The following ASPRV1 variants were observed in gnomAD, a reference collection of about 807,000 sequenced individuals.
ASPRV1 encodes the protein retroviral-like aspartic protease 1.
Under a neutral mutation model 11.0 loss-of-function variants are expected in ASPRV1, and 7 were observed. That is an observed-to-expected ratio of 0.64 (90% CI 0.36 to 1.20). ASPRV1 has a LOEUF of 1.20. Among genes scored for constraint, ASPRV1 ranks in the 50% most tolerant of loss-of-function variants. The pLI is 0.02. For missense variants in ASPRV1, 299 were observed against 320.0 expected (o/e 0.93, Z 0.50); for synonymous variants, 136 against 138.4 (o/e 0.98, Z 0.12).
At chr2:69,998,833 C>T in the ASPRV1 span, among the ~76,000 whole-genome samples, 2 of 152,238 alleles carry the variant, frequency 1.3e-5, no homozygotes, top group East Asian at 3.9e-4. Flanking sequence ...AGAAACCAGG[C>T]TGGGAGAGGG....
the ASPRV1 span, chr2:69,937,964 C>A: frequency 1.2e-6 from 1 of 800,492 alleles, no homozygotes; most frequent in Non-Finnish European, 2.0e-6. Flanking sequence ...CCCAGCTGGT[C>A]TCAAACTCCT....
the ASPRV1 span, among the ~76,000 whole-genome samples, chr2:69,979,671 C>T: frequency 6.6e-6 from 1 of 152,206 alleles, no homozygotes; most frequent in African/African-American, 2.4e-5. Flanking sequence ...CATTTCTGGG[C>T]AACCTCCTGG....
At chr2:70,066,193 G>C in the ASPRV1 span, among the ~76,000 whole-genome samples, 5 of 151,990 alleles carry the variant, frequency 3.3e-5, no homozygotes, top group Non-Finnish European at 5.9e-5. Flanking sequence ...AGGAGACAGA[G>C]ACTCTGTCTC....
At chr2:70,024,951 G>A in the ASPRV1 span, among the ~76,000 whole-genome samples, 3 of 152,186 alleles carry the variant, frequency 2.0e-5, no homozygotes, top group African/African-American at 4.8e-5. Flanking sequence ...CTGAGCCCTG[G>A]TACTAGAGTT....
chr2:70,036,975 G>T, the ASPRV1 span, among the ~76,000 whole-genome samples: 1 of 152,146 alleles, frequency 6.6e-6, no homozygotes, highest in Non-Finnish European at 1.5e-5. Context: ...GGCAGGAAGG[G>T]AAGAACCAAA....
the ASPRV1 span, chr2:70,059,626 ATAAT>A: frequency 6.3e-6 from 1 of 159,862 alleles, no homozygotes; most frequent in Non-Finnish European, 1.4e-5. Flanking sequence ...ATATAATGAA[ATAAT>A]TATACAACTC....
chr2:69,993,702 T>TAATGACTTAA, the ASPRV1 span: 1 of 152,394 alleles, frequency 6.6e-6, no homozygotes, highest in Non-Finnish European at 1.5e-5. Context: ...CCATAGTCCC[T>TAATGACTTAA]AATGACTTAA....
At chr2:69,967,809 G>A in the ASPRV1 span, among the ~76,000 whole-genome samples, 1 of 152,226 alleles carries the variant, frequency 6.6e-6, no homozygotes, top group Non-Finnish European at 1.5e-5. Flanking sequence ...GGCCAGGCAT[G>A]GTGGCTCATG....
the ASPRV1 span, among the ~76,000 whole-genome samples, chr2:69,974,339 A>AG: frequency 6.7e-6 from 1 of 148,338 alleles, no homozygotes; most frequent in African/African-American, 2.4e-5. Flanking sequence ...CTCCATCTCA[A>AG]AAAAAAAAAA....
the ASPRV1 span, among the ~76,000 whole-genome samples, chr2:70,053,369 G>A: frequency 1.3e-5 from 2 of 151,928 alleles, no homozygotes; most frequent in African/African-American, 2.4e-5. Context: ...TGGGGTGGGG[G>A]GTATAGGCAC....
the ASPRV1 span, among the ~76,000 whole-genome samples, chr2:70,022,994 T>A: frequency 6.6e-6 from 1 of 152,112 alleles, no homozygotes; most frequent in Admixed American, 6.5e-5. Context: ...CCCATGCTTC[T>A]CCACAGAATA....
chr2:69,991,042 C>A, the ASPRV1 span, among the ~76,000 whole-genome samples: 1 of 152,076 alleles, frequency 6.6e-6, no homozygotes, highest in Non-Finnish European at 1.5e-5. Flanking sequence ...AAGAACGGTC[C>A]CTCTCTCATC....
At chr2:69,970,227 T>A in the ASPRV1 span, among the ~76,000 whole-genome samples, 1 of 152,106 alleles carries the variant, frequency 6.6e-6, no homozygotes, top group Non-Finnish European at 1.5e-5. Context: ...GGCACCCTGC[T>A]GAGGTCGGTA....
At chr2:69,963,967 G>A (rs1346587960), upstream of ASPRV1, among the ~76,000 whole-genome samples, 1 of 152,210 alleles carries the variant, frequency 6.6e-6, no homozygotes, top group Non-Finnish European at 1.5e-5. Context: ...GGAATTTGGT[G>A]AGTCAATTGT....
chr2:69,935,540 C>A, the ASPRV1 span: 2 of 997,660 alleles, frequency 2.0e-6, no homozygotes, highest in Non-Finnish European at 1.6e-6. Flanking sequence ...ATCTCCAGGA[C>A]AGTCCTCTCC....
At chr2:69,944,993 T>C in the ASPRV1 span, among the ~76,000 whole-genome samples, 2 of 152,246 alleles carry the variant, frequency 1.3e-5, no homozygotes, top group South Asian at 4.2e-4. Flanking sequence ...CAGTGCAGCT[T>C]TGACTCACCT....
chr2:69,935,486 C>T, the ASPRV1 span: 1 of 1,503,874 alleles, frequency 6.6e-7, no homozygotes, highest in South Asian at 1.1e-5. Flanking sequence ...TGTTGGGATG[C>T]TGCTTTATCT....
At chr2:70,062,596 G>A in the ASPRV1 span, among the ~76,000 whole-genome samples, 1 of 152,158 alleles carries the variant, frequency 6.6e-6, no homozygotes, top group Non-Finnish European at 1.5e-5. Flanking sequence ...AGAGTACTAT[G>A]TAAAGCCAGA....
the ASPRV1 span, chr2:70,000,573 T>C: frequency 1.3e-5 from 2 of 151,482 alleles, no homozygotes; most frequent in African/African-American, 2.4e-5. Context: ...GCGGATTGCT[T>C]GGGCTCAGGA....
Sources: gnomAD v4.1 joint callset for allele counts (sites outside exome capture counted in the v4.1 genomes callset) on GRCh38, gnomAD v4.1.1 for gene constraint, MANE v1.5 for transcripts, NCBI Gene and HGNC (gene_info 2026-07-23, HGNC 2026-07-21) for gene names.